LRRTM3: variants seen among roughly 807,000 people sequenced by gnomAD.
LRRTM3 encodes leucine-rich repeat transmembrane neuronal protein 3.
LRRTM3 carries 24 observed loss-of-function variants against 44.7 expected under a neutral mutation model. The observed-to-expected ratio is 0.54, with a 90% CI of 0.39 to 0.76. The LOEUF (loss-of-function observed/expected upper bound fraction) is 0.76, where lower values mean the gene tolerates loss of function less well. LRRTM3 is among the 30% of genes least tolerant of loss of function. LRRTM3 has a pLI of 0.00. For missense variants in LRRTM3, 587 were observed against 702.2 expected, an observed-to-expected ratio of 0.84 and a Z score of 1.85; for synonymous variants, 277 against 278.7, an observed-to-expected ratio of 0.99 and a Z score of 0.06.
chr10:67,083,225 A>C (rs1005166426), intron 2 of LRRTM3, among the ~76,000 whole-genome samples: 3 of 152,224 alleles, frequency 2.0e-5, no homozygotes, highest in Non-Finnish European at 4.4e-5. Context: ...TCAAGTAAAA[A>C]GAAAGTGTCT....
rs1344694012 is a variant in LRRTM3 at position 66,928,396 on chromosome 10, C to G, written c.1480C>G (p.Leu494Val). 1.2e-6 allele frequency: 2 copies of G among 1,613,958 alleles called. No individual in the cohort carries two copies. The highest frequency in any genetic ancestry group is 1.7e-6 in the Non-Finnish European group (2 of 1,179,986). ...CACCAACACGGAGACCAGCGAGATG[C>G]TGCTGAATGGGACGGGACCCTGCAC... ...KPTNTETSEM[L>V]LNGTGPCTYN... Residue 494 changes from leucine to valine, a missense_variant, in exon 2 of 3, where the codon CTG becomes GTG. Leu to Val is a conservative substitution (Grantham distance 32, BLOSUM62 1). Transcript: ENST00000361320.
At chr10:67,031,073 C>T (rs1473962796) in intron 2 of LRRTM3, among the ~76,000 whole-genome samples, 2 of 152,094 alleles carry the variant, frequency 1.3e-5, no homozygotes, top group Non-Finnish European at 1.5e-5. Context: ...CATTTTACCC[C>T]GTCATACTTG....
chr10:66,928,396 C>T lies in LRRTM3; in HGVS notation c.1480C>T (p.Leu494=), dbSNP rs1344694012. The T allele has an allele frequency of 1.2e-6, 2 of 1,614,076 alleles. No homozygotes were observed. Among genetic ancestry groups the T allele is most frequent in the Non-Finnish European group, 1.7e-6 (2 of 1,179,978 alleles). The change falls in exon 2 of 3, where the codon CTG becomes TTG. Residue 494 remains leucine (L), a synonymous_variant. Coordinates refer to ENST00000361320, the MANE Select transcript of LRRTM3 (RefSeq NM_178011.5). ...KPTNTETSEM[L]LNGTGPCTYN... ...CACCAACACGGAGACCAGCGAGATG[C>T]TGCTGAATGGGACGGGACCCTGCAC...
In LRRTM3 at chr10:67,047,005, G is replaced by A. The variant is rs559509738; in HGVS notation, c.1537-50582G>A. Among the ~76,000 whole-genome samples the A allele has an allele frequency of 4.6e-5, 7 of 152,260 alleles. No homozygotes were observed. The East Asian group carries it at 5.8e-4, about 13-fold the overall frequency. On this transcript the variant is annotated intron_variant, in intron 2 of 2. Coordinates refer to ENST00000361320, the MANE Select transcript of LRRTM3 (RefSeq NM_178011.5). ...GTAGAAAAGAAATAGTCTAATGTTTGCAATATGTTTGGAACATATATTCAG... is the reference window on the plus strand; with the variant it reads ...GTAGAAAAGAAATAGTCTAATGTTTACAATATGTTTGGAACATATATTCAG...
intron 2 of LRRTM3, among the ~76,000 whole-genome samples, chr10:67,087,884 G>T (rs1857396783): frequency 6.6e-6 from 1 of 151,912 alleles, no homozygotes; most frequent in African/African-American, 2.4e-5. Flanking sequence ...CACATATAGT[G>T]CTTAATAAGT....
intron 2 of LRRTM3, among the ~76,000 whole-genome samples, chr10:67,058,916 TC>T (rs1319072101): frequency 6.6e-6 from 1 of 152,132 alleles, no homozygotes; most frequent in East Asian, 1.9e-4. Flanking sequence ...TAGGCAGGCG[TC>T]AAGGACATTG....
At chr10:66,979,844 T>C (rs752973809) in intron 2 of LRRTM3, among the ~76,000 whole-genome samples, 1 of 152,188 alleles carries the variant, frequency 6.6e-6, no homozygotes, top group African/African-American at 2.4e-5. Context: ...ATTTCCTGGA[T>C]TTGAAACACT....
At chr10:67,028,143 C>A (rs1853504355) in intron 2 of LRRTM3, among the ~76,000 whole-genome samples, 1 of 152,170 alleles carries the variant, frequency 6.6e-6, no homozygotes, top group East Asian at 1.9e-4. Context: ...GTATGCTGCA[C>A]TGCATTGGAC....
At chr10:67,059,968 G>A (rs753592997) in intron 2 of LRRTM3, among the ~76,000 whole-genome samples, 2 of 152,088 alleles carry the variant, frequency 1.3e-5, no homozygotes, top group Non-Finnish European at 2.9e-5. Context: ...TGTTGAGGGA[G>A]ATAAAATTAG....
chr10:67,071,492 A>G (rs573304461), intron 2 of LRRTM3, among the ~76,000 whole-genome samples: 2 of 129,676 alleles, frequency 1.5e-5, no homozygotes, highest in Non-Finnish European at 3.2e-5. Flanking sequence ...TTGTACTTAG[A>G]GCTCTTTAAA....
intron 2 of LRRTM3, among the ~76,000 whole-genome samples, chr10:67,090,640 G>A (rs1190960131): frequency 6.6e-6 from 1 of 152,014 alleles, no homozygotes; most frequent in African/African-American, 2.4e-5. Context: ...GCTTAAAATA[G>A]GCAACCTCTG....
At chr10:67,015,222 C>T (rs1852584192) in intron 2 of LRRTM3, 1 of 151,986 alleles carries the variant, frequency 6.6e-6, no homozygotes, top group Non-Finnish European at 1.5e-5. Context: ...ATAGTTTATA[C>T]CATTTATATG....
intron 2 of LRRTM3, among the ~76,000 whole-genome samples, chr10:66,970,321 A>G (rs1849646666): frequency 6.6e-6 from 1 of 152,172 alleles, no homozygotes; most frequent in South Asian, 2.1e-4. Flanking sequence ...TTGGTTTTAC[A>G]GCACTATCTC....
At chr10:67,031,028 T>C (rs1368752978) in intron 2 of LRRTM3, among the ~76,000 whole-genome samples, 1 of 151,932 alleles carries the variant, frequency 6.6e-6, no homozygotes. Flanking sequence ...AATAAATAAA[T>C]AACTTAGCTG....
At chr10:67,088,608 T>C (rs1254886910) in intron 2 of LRRTM3, among the ~76,000 whole-genome samples, 1 of 152,036 alleles carries the variant, frequency 6.6e-6, no homozygotes, top group Non-Finnish European at 1.5e-5. Flanking sequence ...TTTTCCTTAC[T>C]CTAAATGCAT....
intron 2 of LRRTM3, among the ~76,000 whole-genome samples, chr10:67,013,939 G>C (rs929418735): frequency 1.3e-5 from 2 of 151,992 alleles, no homozygotes; most frequent in African/African-American, 4.8e-5. Flanking sequence ...AGAGCCCCAA[G>C]GTCTAAAAAC....
chr10:67,081,387 T>C (rs1050867461), intron 2 of LRRTM3, among the ~76,000 whole-genome samples: 3 of 152,190 alleles, frequency 2.0e-5, no homozygotes. Context: ...TATTGAGAAC[T>C]TACTATTTCA....
intron 2 of LRRTM3, among the ~76,000 whole-genome samples, chr10:67,018,276 T>A (rs534170232): frequency 1.3e-5 from 2 of 152,286 alleles, no homozygotes; most frequent in African/African-American, 4.8e-5. Flanking sequence ...AGCAAATGTC[T>A]ATGTTTTATG....
intron 2 of LRRTM3, among the ~76,000 whole-genome samples, chr10:67,049,484 T>G (rs1854953264): frequency 6.6e-6 from 1 of 152,136 alleles, no homozygotes; most frequent in South Asian, 2.1e-4. Flanking sequence ...ATATACATAT[T>G]TCCTACTACA....
Sources: allele counts gnomAD v4.1 joint callset (sites outside exome capture counted in the v4.1 genomes callset), GRCh38; gene constraint gnomAD v4.1.1; transcripts MANE v1.5; gene names NCBI Gene and HGNC (gene_info 2026-07-23, HGNC 2026-07-21).